Variants in ZNF532 observed in about 807,000 individuals in gnomAD.
ZNF532 encodes the protein zinc finger protein 532.
In ZNF532, 22 loss-of-function variants were observed where a neutral mutation model predicts 89.3. The ratio of observed to expected loss-of-function variants is 0.25; its 90% confidence interval spans 0.18 to 0.35. The LOEUF (loss-of-function observed/expected upper bound fraction) is 0.35, where lower values mean the gene tolerates loss of function less well. Ranked by LOEUF, ZNF532 falls within the 10% of genes least tolerant of loss-of-function variation. ZNF532 has a pLI of 1.00. For synonymous variants in ZNF532, 606 were observed against 649.6 expected (o/e 0.93, Z 1.02); for missense variants, 1,132 against 1,643.4 (o/e 0.69, Z 5.38).
chr18:58,937,705 A>G (rs1221702138), intron 4 of ZNF532, among the ~76,000 whole-genome samples: 5 of 152,146 alleles, frequency 3.3e-5, no homozygotes, highest in South Asian at 4.1e-4. Flanking sequence ...GTTTTACATA[A>G]TCTTCCTCTT....
rs765102383 is a variant in ZNF532, at chr18:58,939,598, T to C, written c.2682T>C (p.Pro894=). 23 of 1,612,918 alleles carry C rather than the reference T, an allele frequency of 1.4e-5. No individual in the cohort carries two copies. The highest frequency in any genetic ancestry group is 1.4e-5 in the Non-Finnish European group (17 of 1,179,752). Reference sequence around the variant, plus strand: ...ATTCCCACGCCTACACACAGCATCCTGGCATCAAGATAGGAGAACCAAAGT... The same window carrying C: ...ATTCCCACGCCTACACACAGCATCCCGGCATCAAGATAGGAGAACCAAAGT... ...STHSHAYTQH[P]GIKIGEPKII... Residue 894 remains proline (P), a synonymous_variant, in exon 5 of 10, where the codon CCT becomes CCC. Transcript: ENST00000591808.
intron 2 of ZNF532, among the ~76,000 whole-genome samples, chr18:58,909,837 ATAG>A (rs1188121210): frequency 6.6e-6 from 1 of 152,220 alleles, no homozygotes; most frequent in African/African-American, 2.4e-5. Flanking sequence ...TCACTAGCTA[ATAG>A]TAGTAAATAG....
At chr18:58,877,753 G>T (rs1218399891) in intron 2 of ZNF532, among the ~76,000 whole-genome samples, 1 of 152,196 alleles carries the variant, frequency 6.6e-6, no homozygotes, top group Admixed American at 6.5e-5. Flanking sequence ...TGGAATCACA[G>T]ATTGTTGGAA....
intron 3 of ZNF532, among the ~76,000 whole-genome samples, chr18:58,923,126 C>T (rs2061252843): frequency 1.3e-5 from 2 of 152,018 alleles, no homozygotes; most frequent in South Asian, 4.2e-4. Flanking sequence ...CAGATACACA[C>T]AAGCAAAACA....
At chr18:58,891,183 T>G (rs2058873219) in intron 2 of ZNF532, among the ~76,000 whole-genome samples, 1 of 152,094 alleles carries the variant, frequency 6.6e-6, no homozygotes, top group Non-Finnish European at 1.5e-5. Flanking sequence ...CCTCCCAAAG[T>G]GCTGGGATCA....
intron 3 of ZNF532, among the ~76,000 whole-genome samples, chr18:58,923,492 A>G (rs578102948): frequency 6.6e-6 from 1 of 152,124 alleles, no homozygotes; most frequent in African/African-American, 2.4e-5. Context: ...CTAGGGGCTC[A>G]GTAGGATGCC....
At chr18:58,902,989 C>T (rs896530249) in intron 2 of ZNF532, among the ~76,000 whole-genome samples, 1 of 152,160 alleles carries the variant, frequency 6.6e-6, no homozygotes, top group Admixed American at 6.5e-5. Flanking sequence ...TTCACTTTCT[C>T]TTCTCAAGAA....
chr18:58,906,823 G>A (rs2059962861), intron 2 of ZNF532, among the ~76,000 whole-genome samples: 1 of 152,194 alleles, frequency 6.6e-6, no homozygotes. Flanking sequence ...ATACTATGTA[G>A]GAATCTGGCT....
chr18:58,906,346 ACTT>A (rs1290070865), intron 2 of ZNF532, among the ~76,000 whole-genome samples: 1 of 152,114 alleles, frequency 6.6e-6, no homozygotes, highest in Non-Finnish European at 1.5e-5. Context: ...ACACAACACT[ACTT>A]TATTTTGTTG....
At chr18:58,871,876 A>T (rs2057012924) in intron 2 of ZNF532, among the ~76,000 whole-genome samples, 2 of 152,210 alleles carry the variant, frequency 1.3e-5, no homozygotes, top group Non-Finnish European at 2.9e-5. Flanking sequence ...TGGAGGGGAG[A>T]AGGGCTAGAA....
At chr18:58,954,823 A>G (rs1235274111) in intron 7 of ZNF532, among the ~76,000 whole-genome samples, 3 of 150,152 alleles carry the variant, frequency 2.0e-5, no homozygotes, top group Non-Finnish European at 4.4e-5. Context: ...AGCAATTCTC[A>G]TGCGTCAGTC....
At chr18:58,911,166 G>T (rs1252515102) in intron 2 of ZNF532, among the ~76,000 whole-genome samples, 17 of 152,236 alleles carry the variant, frequency 1.1e-4, no homozygotes, top group Non-Finnish European at 4.4e-5. Flanking sequence ...GTGGCAAGAG[G>T]ACAGAGCACC....
At chr18:58,944,783 C>T (rs569070635) in intron 5 of ZNF532, among the ~76,000 whole-genome samples, 3 of 152,248 alleles carry the variant, frequency 2.0e-5, no homozygotes, top group Admixed American at 1.3e-4. Context: ...TTTTATCCTA[C>T]AAAAAAGCTG....
chr18:58,880,873 G>C (rs2057868042), intron 2 of ZNF532, among the ~76,000 whole-genome samples: 2 of 151,162 alleles, frequency 1.3e-5, no homozygotes, highest in Admixed American at 1.3e-4. Flanking sequence ...AAAAGATTAA[G>C]CACATAGTTT....
At chr18:58,893,895 G>T (rs1281554330) in intron 2 of ZNF532, among the ~76,000 whole-genome samples, 1 of 152,160 alleles carries the variant, frequency 6.6e-6, no homozygotes, top group Non-Finnish European at 1.5e-5. Flanking sequence ...CTGTGGATCA[G>T]CTGGGTGGTT....
Position 58,918,374 on chromosome 18 carries a change from T to C in ZNF532, c.87T>C (p.Ala29=), listed in dbSNP as rs780927811. Residue 29 remains alanine (A), a synonymous_variant, in exon 3 of 10, where the codon GCT becomes GCC. Coordinates refer to ENST00000591808, the MANE Select transcript of ZNF532 (RefSeq NM_001375912.1). ...DIPDMVDPKA[A]IESGHDDHES... The stretch of plus-strand genomic sequence containing the variant: ...CAGATATGGTCGATCCTAAAGCAGC[T>C]ATTGAGTCTGGACACGATGACCATG... 1 of 1,614,170 alleles carries C rather than the reference T, an allele frequency of 6.2e-7. No individual in the cohort carries two copies. Among genetic ancestry groups the C allele is most frequent in the South Asian group, 1.1e-5 (1 of 91,074 alleles).
rs935618514 is a variant in ZNF532, at chr18:58,985,529, A to G, written c.*1063A>G. On this transcript the variant is annotated 3_prime_UTR_variant, in exon 10 of 10. Transcript: ENST00000591808. ...CACAACTTCAACCACCGACTTATCAATGCAGCCGCCTGTGTATTGCAATTG... is the reference window on the plus strand; with the variant it reads ...CACAACTTCAACCACCGACTTATCAGTGCAGCCGCCTGTGTATTGCAATTG... 2.6e-5 allele frequency: 4 copies of G among 152,568 alleles called. No homozygotes were observed. Among genetic ancestry groups the G allele is most frequent in the East Asian group, 1.9e-4 (1 of 5,190 alleles). The allele number at this position is 152,568 out of a possible 1,614,324, so 9.5% of individuals were successfully genotyped here.
chr18:58,971,489 C>T (rs1568452721), intron 7 of ZNF532, among the ~76,000 whole-genome samples: 1 of 152,192 alleles, frequency 6.6e-6, no homozygotes, highest in Non-Finnish European at 1.5e-5. Flanking sequence ...CACGCCCATT[C>T]ATTTAATTAT....
chr18:58,981,173 G>A lies in ZNF532; in HGVS notation c.3264-297G>A, dbSNP rs1249072209. On this transcript the variant is annotated intron_variant, in intron 8 of 9. Coordinates refer to ENST00000591808, the MANE Select transcript of ZNF532 (RefSeq NM_001375912.1). ...ATTAACAGCAGCACAAAGGAGTCAA[G>A]GAGGGACCTTATACTAATGTGTTCA... 1.8e-5 allele frequency: 6 copies of A among 336,168 alleles called. No homozygotes were observed. The East Asian group carries it at 4.6e-4, about 26-fold the overall frequency. 20.8% of individuals were successfully genotyped at this position (336,168 alleles called of 1,614,324 possible).
Sources: gnomAD v4.1 joint callset for allele counts (sites outside exome capture counted in the v4.1 genomes callset) on GRCh38, gnomAD v4.1.1 for gene constraint, MANE v1.5 for transcripts, NCBI Gene and HGNC (gene_info 2026-07-23, HGNC 2026-07-21) for gene names.